The following SPRY3 variants were observed in gnomAD, a reference collection of about 807,000 sequenced individuals.
The protein encoded by SPRY3 is protein sprouty homolog 3.
In SPRY3, 15 loss-of-function variants were observed where a neutral mutation model predicts 20.2. The observed-to-expected ratio is 0.74, with a 90% CI of 0.50 to 1.14. The LOEUF is 1.14. SPRY3 is among the 50% of genes most tolerant of loss of function. The probability of loss-of-function intolerance (pLI) is 0.00; values close to 1 mark genes in which losing one functional copy is unlikely to be tolerated. For synonymous variants in SPRY3, 143 were observed against 136.5 expected, an observed-to-expected ratio of 1.05 and a Z score of -0.33; for missense variants, 364 against 363.9, an observed-to-expected ratio of 1.00 and a Z score of 0.00.
intron 3 of SPRY3, among the ~76,000 whole-genome samples, chrX:155,771,416 G>A (rs1354827887): frequency 6.6e-6 from 1 of 152,042 alleles, no homozygotes. Flanking sequence ...TTGAGACCTT[G>A]TATAACTTCC....
At chrX:155,768,524 G>A (rs1417094181) in intron 3 of SPRY3, among the ~76,000 whole-genome samples, 1 of 152,186 alleles carries the variant, frequency 6.6e-6, no homozygotes, top group African/African-American at 2.4e-5. Context: ...CAGTCTGGCT[G>A]CCCAGCGGGC....
At chrX:155,754,576 C>G (rs2091276540) in intron 2 of SPRY3, among the ~76,000 whole-genome samples, 1 of 151,836 alleles carries the variant, frequency 6.6e-6, no homozygotes, top group Non-Finnish European at 1.5e-5. Flanking sequence ...CTATTCTGTA[C>G]CCCTTGCATT....
At chrX:155,719,087 A>T (rs2091039975) in intron 2 of SPRY3, among the ~76,000 whole-genome samples, 1 of 152,144 alleles carries the variant, frequency 6.6e-6, no homozygotes, top group African/African-American at 2.4e-5. Context: ...CACTGATGCC[A>T]CCACCCCCAC....
chrX:155,632,015 G>C (rs1190709754), intron 1 of SPRY3, among the ~76,000 whole-genome samples: 2 of 111,452 alleles, frequency 1.8e-5, no homozygotes, highest in Non-Finnish European at 3.8e-5. Context: ...TAGAGATTAT[G>C]GATTTAGTGC....
At chrX:155,644,781 G>C (rs1557351710) in intron 1 of SPRY3, among the ~76,000 whole-genome samples, 1 of 110,835 alleles carries the variant, frequency 9.0e-6, no homozygotes, top group Non-Finnish European at 1.9e-5. Context: ...ATACATCCAA[G>C]AGCCAAGGCC....
chrX:155,744,476 A>G lies in SPRY3; in HGVS notation c.-281-23486A>G, dbSNP rs192699858. On this transcript the variant is annotated intron_variant, in intron 2 of 3. Coordinates refer to ENST00000675360, the Ensembl canonical transcript of SPRY3. ...TGTTGGGTGACATTTCCCTGCAACA[A>G]TCCTAGAATCTTAAAGTGTGGTGTC... is the stretch of plus-strand genomic sequence containing the variant. Among the ~76,000 whole-genome samples, 280 of 152,150 alleles carry G rather than the reference A, an allele frequency of 1.8e-3. 1 individual carries two copies. The highest frequency in any genetic ancestry group is 2.9e-3 in the Non-Finnish European group (194 of 68,000).
chrX:155,724,986 A>G (rs1275106979), intron 2 of SPRY3, among the ~76,000 whole-genome samples: 1 of 152,172 alleles, frequency 6.6e-6, no homozygotes, highest in African/African-American at 2.4e-5. Flanking sequence ...ATTTTGAGAT[A>G]CATTCCATCA....
chrX:155,724,849 C>G (rs914317817), intron 2 of SPRY3, among the ~76,000 whole-genome samples: 2 of 152,162 alleles, frequency 1.3e-5, no homozygotes, highest in African/African-American at 4.8e-5. Flanking sequence ...GAACTTCCAA[C>G]ACTATGTTGA....
At chrX:155,659,616 G>A (rs2068003954) in intron 2 of SPRY3, among the ~76,000 whole-genome samples, 1 of 111,169 alleles carries the variant, frequency 9.0e-6, no homozygotes, top group Admixed American at 9.6e-5. Flanking sequence ...AGTAAGATTG[G>A]TGCCATTCCT....
chrX:155,761,952 T>C (rs1024901269), intron 2 of SPRY3, among the ~76,000 whole-genome samples: 10 of 152,166 alleles, frequency 6.6e-5, no homozygotes, highest in Admixed American at 5.2e-4. Context: ...AAAACTCCAA[T>C]GATCTCTTTC....
intron 2 of SPRY3, among the ~76,000 whole-genome samples, chrX:155,717,936 T>G (rs748934707): frequency 6.6e-6 from 1 of 152,090 alleles, no homozygotes; most frequent in East Asian, 1.9e-4. Context: ...TGCCCTATGC[T>G]CCAAGTCAAG....
At chrX:155,722,212 A>G (rs2091063944) in intron 2 of SPRY3, among the ~76,000 whole-genome samples, 1 of 152,146 alleles carries the variant, frequency 6.6e-6, no homozygotes, top group Non-Finnish European at 1.5e-5. Flanking sequence ...ATCAAAAGAC[A>G]TAAAAAAATA....
intron 2 of SPRY3, among the ~76,000 whole-genome samples, chrX:155,709,010 T>G (rs761577920): frequency 1.3e-5 from 2 of 151,644 alleles, no homozygotes; most frequent in Admixed American, 6.6e-5. Flanking sequence ...ATCTCATTAT[T>G]TTTTATGACT....
chrX:155,771,942 A>G (rs1327745891), intron 3 of SPRY3, among the ~76,000 whole-genome samples: 1 of 152,214 alleles, frequency 6.6e-6, no homozygotes, highest in Non-Finnish European at 1.5e-5. Context: ...AATACAGACC[A>G]TAATGGCTCA....
intron 1 of SPRY3, among the ~76,000 whole-genome samples, chrX:155,648,592 A>G (rs141771419): frequency 0.012 from 1,368 of 112,063 alleles, 18 homozygotes; most frequent in Middle Eastern, 0.023. Context: ...CAGGTTTGTC[A>G]AAGATCAGAT....
At chrX:155,774,337 G>C in exon 4 of SPRY3, 5 of 1,613,996 alleles carry the variant, frequency 3.1e-6, no homozygotes, top group Non-Finnish European at 4.2e-6. Flanking sequence ...CTGCAAGTGC[G>C]TCCCCTGCAC....
At chrX:155,678,217 C>G (rs1247002509) in intron 2 of SPRY3, among the ~76,000 whole-genome samples, 1 of 111,544 alleles carries the variant, frequency 9.0e-6, no homozygotes, top group Middle Eastern at 4.2e-3. Context: ...GGGATTTCTC[C>G]TCATGTAATA....
chrX:155,772,527 A>G (rs1259373600), intron 3 of SPRY3, among the ~76,000 whole-genome samples: 1 of 152,084 alleles, frequency 6.6e-6, no homozygotes, highest in East Asian at 1.9e-4. Flanking sequence ...TACTTTATTC[A>G]TGCTAGTGTT....
At chrX:155,621,421 A>C (rs2067870680) in intron 1 of SPRY3, among the ~76,000 whole-genome samples, 1 of 111,238 alleles carries the variant, frequency 9.0e-6, no homozygotes, top group South Asian at 3.8e-4. Context: ...TGGGCTCTGG[A>C]GTCAGACAAA....
Sources: gnomAD v4.1 joint callset for allele counts (sites outside exome capture counted in the v4.1 genomes callset) on GRCh38, gnomAD v4.1.1 for gene constraint, MANE v1.5 for transcripts, NCBI Gene and HGNC (gene_info 2026-07-23, HGNC 2026-07-21) for gene names.